The following EPSTI1 variants were observed in gnomAD, a reference collection of about 807,000 sequenced individuals.
EPSTI1 encodes the protein epithelial-stromal interaction protein 1.
A neutral mutation model predicts 49.9 loss-of-function variants in EPSTI1; 66 were observed. The ratio of observed to expected loss-of-function variants is 1.32; its 90% CI spans 1.08 to 1.62. EPSTI1 has a LOEUF of 1.62. Among genes scored for constraint, EPSTI1 ranks in the 40% most tolerant of loss-of-function variants. The probability of loss-of-function intolerance (pLI) is 0.00; values close to 1 mark genes in which losing one functional copy is unlikely to be tolerated. For missense variants in EPSTI1, 394 were observed against 365.5 expected, an observed-to-expected ratio of 1.08 and a Z score of -0.64; for synonymous variants, 137 against 130.7, an observed-to-expected ratio of 1.05 and a Z score of -0.33.
At chr13:42,968,607 T>C (rs2039680371) in intron 3 of EPSTI1, among the ~76,000 whole-genome samples, 1 of 152,156 alleles carries the variant, frequency 6.6e-6, no homozygotes, top group Non-Finnish European at 1.5e-5. Context: ...ATCTGTAGAA[T>C]AAAAACACAG....
chr13:42,976,184 T>C (rs897157450), intron 1 of EPSTI1, among the ~76,000 whole-genome samples: 6 of 152,212 alleles, frequency 3.9e-5, no homozygotes, highest in Non-Finnish European at 7.3e-5. Flanking sequence ...CACCAGCTTA[T>C]TTACATCTAT....
chr13:42,918,588 G>A (rs2037904110), intron 7 of EPSTI1, among the ~76,000 whole-genome samples: 1 of 152,090 alleles, frequency 6.6e-6, no homozygotes, highest in Admixed American at 6.5e-5. Flanking sequence ...TGGCATTTCT[G>A]TCACTATAAA....
intron 8 of EPSTI1, among the ~76,000 whole-genome samples, chr13:42,910,565 T>C (rs1265016920): frequency 1.3e-5 from 2 of 152,156 alleles, no homozygotes; most frequent in Non-Finnish European, 2.9e-5. Flanking sequence ...AACTCTCTTA[T>C]TAAACTCCAT....
chr13:42,940,485 G>A (rs1292870005), intron 6 of EPSTI1, among the ~76,000 whole-genome samples: 3 of 152,176 alleles, frequency 2.0e-5, no homozygotes. Flanking sequence ...TGCTCATGGA[G>A]CCATATTTGC....
intron 1 of EPSTI1, among the ~76,000 whole-genome samples, chr13:42,973,530 A>C (rs2039813245): frequency 6.6e-6 from 1 of 152,208 alleles, no homozygotes; most frequent in African/African-American, 2.4e-5. Flanking sequence ...TTCTATTTCT[A>C]TTTCTTAATA....
intron 10 of EPSTI1, among the ~76,000 whole-genome samples, chr13:42,892,097 T>C (rs2037052632): frequency 6.6e-6 from 1 of 152,064 alleles, no homozygotes; most frequent in Non-Finnish European, 1.5e-5. Context: ...GAGCACCCAG[T>C]GCTCTCAGCA....
intron 7 of EPSTI1, among the ~76,000 whole-genome samples, chr13:42,923,744 CTT>C (rs1462307160): frequency 1.3e-5 from 2 of 152,156 alleles, no homozygotes; most frequent in Middle Eastern, 3.2e-3. Flanking sequence ...GTAAATATCT[CTT>C]GTCTGAAGTC....
At position 42,942,117 on chromosome 13, in the gene EPSTI1, GT is replaced by G. The variant is rs1156760211; in HGVS notation, c.563+11830del. Among the ~76,000 whole-genome samples the G allele has an allele frequency of 3.3e-5, 5 of 152,078 alleles. No individual in the cohort carries two copies. In the East Asian group the frequency reaches 9.6e-4, roughly 29 times the overall value. Reference sequence around the variant, plus strand: ...ATAAATATCTTTTATTGTGTTGAATGTTTTTCACCTTGAATTCAATTTGTCT... The same window carrying G: ...ATAAATATCTTTTATTGTGTTGAATGTTTTCACCTTGAATTCAATTTGTCT... On this transcript the variant is annotated intron_variant, in intron 6 of 10. Coordinates refer to ENST00000313624, the MANE Select transcript of EPSTI1 (RefSeq NM_033255.5).
chr13:42,985,520 C>T (rs1021639736), intron 1 of EPSTI1, among the ~76,000 whole-genome samples: 1 of 152,168 alleles, frequency 6.6e-6, no homozygotes, highest in African/African-American at 2.4e-5. Context: ...CAAGTGACCT[C>T]ATTTTGAGTC....
At chr13:42,979,669 T>C (rs1295799208) in intron 1 of EPSTI1, among the ~76,000 whole-genome samples, 1 of 152,084 alleles carries the variant, frequency 6.6e-6, no homozygotes, top group African/African-American at 2.4e-5. Context: ...ATCCATATAC[T>C]GTTTACTTAT....
chr13:42,917,098 C>T (rs1231261454), intron 8 of EPSTI1, among the ~76,000 whole-genome samples: 2 of 152,184 alleles, frequency 1.3e-5, no homozygotes, highest in African/African-American at 2.4e-5. Context: ...CTTGGTTTTA[C>T]TGTATGTGTA....
intron 8 of EPSTI1, among the ~76,000 whole-genome samples, chr13:42,901,282 G>A (rs941605418): frequency 5.3e-5 from 8 of 152,048 alleles, no homozygotes; most frequent in Admixed American, 5.2e-4. Context: ...AAACTTCCTT[G>A]ATGAAAAGTA....
chr13:42,900,382 C>T lies in EPSTI1; in HGVS notation c.743G>A (p.Ser248Asn), dbSNP rs1325449067. 6.2e-7 allele frequency: 1 copy of T among 1,613,362 alleles called. No homozygotes were observed. The highest frequency in any genetic ancestry group is 8.5e-7 in the Non-Finnish European group (1 of 1,179,568). Residue 248 changes from serine (S) to asparagine (N), a missense_variant and splice_region_variant, in exon 9 of 11, where the codon AGT (serine) becomes AAT (asparagine). Coordinates refer to ENST00000313624, the MANE Select transcript of EPSTI1 (RefSeq NM_033255.5). ...CTGCCGTTTCAGTTCCAGTAATTCA[C>T]TCTAGGAACAATAAAAGTTTTAAAA... ...QKMKDEQHQK[S>N]ELLELKRQQQ...
At chr13:42,954,061 C>T in intron 5 of EPSTI1, 40 bp from the exon 6 acceptor site, 1 of 1,553,458 alleles carries the variant, frequency 6.4e-7, no homozygotes, top group African/African-American at 1.4e-5. Flanking sequence ...ATTAAAGATG[C>T]TTTAAGCAGA....
intron 3 of EPSTI1, among the ~76,000 whole-genome samples, chr13:42,964,414 T>A (rs1336334124): frequency 6.6e-6 from 1 of 152,158 alleles, no homozygotes; most frequent in Non-Finnish European, 1.5e-5. Context: ...AGTTTTCACT[T>A]GGATTGAAAT....
intron 6 of EPSTI1, among the ~76,000 whole-genome samples, chr13:42,935,812 C>T (rs1443152768): frequency 6.6e-6 from 1 of 152,032 alleles, no homozygotes; most frequent in Non-Finnish European, 1.5e-5. Flanking sequence ...AGGTTGGTCT[C>T]AGACTCCTGA....
At chr13:42,955,277 G>C (rs372512721) in intron 5 of EPSTI1, among the ~76,000 whole-genome samples, 33 of 152,232 alleles carry the variant, frequency 2.2e-4, no homozygotes, top group African/African-American at 7.5e-4. Context: ...GGTGGGGACT[G>C]GGGGGTCGTG....
chr13:42,957,535 G>A (rs1272459500), intron 5 of EPSTI1, among the ~76,000 whole-genome samples: 1 of 152,124 alleles, frequency 6.6e-6, no homozygotes, highest in Non-Finnish European at 1.5e-5. Flanking sequence ...GGAATTTGAA[G>A]GACAGAGTAC....
At chr13:42,948,901 A>G (rs2039006185) in intron 6 of EPSTI1, among the ~76,000 whole-genome samples, 1 of 152,232 alleles carries the variant, frequency 6.6e-6, no homozygotes, top group Non-Finnish European at 1.5e-5. Context: ...AAGCCCCCCA[A>G]CAGACTTAAT....
Sources: allele counts gnomAD v4.1 joint callset (sites outside exome capture counted in the v4.1 genomes callset), GRCh38; gene constraint gnomAD v4.1.1; transcripts MANE v1.5; gene names NCBI Gene and HGNC (gene_info 2026-07-23, HGNC 2026-07-21).